Variants in HSPA9 observed in about 807,000 individuals in gnomAD.
HSPA9 encodes the protein stress-70 protein, mitochondrial.
Under a neutral mutation model 81.5 loss-of-function variants are expected in HSPA9, and 28 were observed. The observed-to-expected ratio is 0.34, with a 90% CI of 0.25 to 0.47. The LOEUF (loss-of-function observed/expected upper bound fraction) is 0.47, where lower values mean the gene tolerates loss of function less well. Ranked by LOEUF, HSPA9 falls within the 20% of genes least tolerant of loss-of-function variation. The pLI is 1.00. For synonymous variants in HSPA9, 293 were observed against 290.4 expected, an observed-to-expected ratio of 1.01 and a Z score of -0.09; for missense variants, 678 against 838.0, an observed-to-expected ratio of 0.81 and a Z score of 2.36.
chr5:138,572,355 A>G (rs1313106942), intron 3 of HSPA9, among the ~76,000 whole-genome samples: 1 of 152,190 alleles, frequency 6.6e-6, no homozygotes, highest in East Asian at 1.9e-4. Flanking sequence ...GTATAGAGGT[A>G]GGACTACTAA....
intron 9 of HSPA9, among the ~76,000 whole-genome samples, chr5:138,565,780 C>G (rs1227903272): frequency 6.6e-6 from 1 of 152,162 alleles, no homozygotes; most frequent in Non-Finnish European, 1.5e-5. Context: ...ATGGTGTGAT[C>G]ACGGCTCACT....
intron 3 of HSPA9, among the ~76,000 whole-genome samples, chr5:138,572,810 A>G (rs1750936968): frequency 1.3e-5 from 2 of 152,110 alleles, no homozygotes; most frequent in Non-Finnish European, 2.9e-5. Flanking sequence ...CCAACCCCCC[A>G]AAAAACTTAG....
Position 138,558,661 on chromosome 5 carries a change from G to C in HSPA9, c.1411-4C>G. On this transcript the variant is annotated splice_polypyrimidine_tract_variant and splice_region_variant and intron_variant, in intron 11 of 16. Coordinates refer to ENST00000297185, the MANE Select transcript of HSPA9 (RefSeq NM_004134.7). ...CATCAGCGGCAGTAGAGAATACCTA[G>C]GGAAGAAGAAACCCTCCTGGGTTGT... The C allele has an allele frequency of 6.3e-7, 1 of 1,591,492 alleles. No homozygotes were observed. Among genetic ancestry groups the C allele is most frequent in the South Asian group, 1.1e-5 (1 of 90,634 alleles).
intron 3 of HSPA9, 62 bp from the exon 4 acceptor site, chr5:138,571,203 T>C (rs1018623890): frequency 2.0e-6 from 3 of 1,513,544 alleles, no homozygotes; most frequent in South Asian, 1.1e-5. Context: ...TTTTTTGAGA[T>C]GGAGTCTCAC....
At chr5:138,574,997 G>A (rs41294558) in intron 1 of HSPA9, 6,944 of 591,418 alleles carry the variant, frequency 0.012, 79 homozygotes, top group Non-Finnish European at 0.016. Flanking sequence ...CCACTACCTG[G>A]TAATTTTGAA....
At position 138,556,833 on chromosome 5, in the gene HSPA9, T is replaced by C. The variant is rs755312533; in HGVS notation, c.1762A>G (p.Ile588Val). Residue 588 changes from isoleucine to valine, a missense_variant, in exon 15 of 17, where the codon ATC (isoleucine) becomes GTC (valine). Ile to Val is a conservative substitution (Grantham distance 29). Transcript: ENST00000297185. ...RVEAVNMAEG[I>V]IHDTETKMEE... ...ATCTTGGTTTCTGTGTCGTGAATGATTCCTTCAGCCATATTAACTGCTTCA... is the reference window on the plus strand; with the variant it reads ...ATCTTGGTTTCTGTGTCGTGAATGACTCCTTCAGCCATATTAACTGCTTCA... 6.2e-7 allele frequency: 1 copy of C among 1,613,950 alleles called. No homozygotes were observed. Among genetic ancestry groups the C allele is most frequent in the Admixed American group, 1.7e-5 (1 of 60,028 alleles).
Position 138,557,480 on chromosome 5 carries a change from A to G in HSPA9, c.1650T>C (p.Ser550=). ...CAATATCATCTTTGCTTAATCCACC[A>G]GAAGACTGGATTACAACTGTAGTAA... The part of the protein sequence containing the change: ...GREQQIVIQS[S]GGLSKDDIEN... Residue 550 remains serine, a synonymous_variant, in exon 14 of 17, where the codon TCT becomes TCC. Coordinates refer to ENST00000297185, the MANE Select transcript of HSPA9 (RefSeq NM_004134.7). The G allele has an allele frequency of 6.3e-7, 1 of 1,599,602 alleles. No homozygotes were observed.
intron 5 of HSPA9, among the ~76,000 whole-genome samples, chr5:138,568,458 G>C (rs961247255): frequency 6.6e-6 from 1 of 152,170 alleles, no homozygotes; most frequent in East Asian, 1.9e-4. Context: ...GGTGAGCCGA[G>C]ATTGTGCCAC....
chr5:138,560,858 C>T (rs764678821), intron 10 of HSPA9: 29 of 429,750 alleles, frequency 6.7e-5, no homozygotes, highest in South Asian at 1.7e-5. Flanking sequence ...TCGGGGATTT[C>T]TTAATATATG....
At chr5:138,568,570 T>C (rs1750814996) in intron 5 of HSPA9, among the ~76,000 whole-genome samples, 1 of 152,204 alleles carries the variant, frequency 6.6e-6, no homozygotes. Context: ...TTCAACATTT[T>C]AGTGAAGGTT....
At chr5:138,558,446 A>T in intron 12 of HSPA9, 107 bp downstream of exon 12, 1 of 794,866 alleles carries the variant, frequency 1.3e-6, no homozygotes, top group South Asian at 1.4e-5. Context: ...AAGACTACTC[A>T]GTATGTATGT....
chr5:138,556,594 T>A lies in HSPA9; in HGVS notation c.1822-2A>T, dbSNP rs1561856154. The A allele has an allele frequency of 1.2e-6, 2 of 1,613,900 alleles. No homozygotes were observed. The highest frequency in any genetic ancestry group is 1.1e-5 in the South Asian group (1 of 91,086). On this transcript the variant is annotated splice_acceptor_variant, in intron 15 of 16. Coordinates refer to ENST00000297185, the MANE Select transcript of HSPA9 (RefSeq NM_004134.7). LOFTEE classifies it high-confidence loss of function. ...AATCTCTTCTTTCAGCTTGTTGCAC[T>A]TAAAAAAAGAAAACAAAAATCCTTA...
At chr5:138,566,561 A>G (rs1580746961) in intron 9 of HSPA9, 65 bp downstream of exon 9, 2 of 1,129,220 alleles carry the variant, frequency 1.8e-6, no homozygotes, top group South Asian at 1.2e-5. Flanking sequence ...AGAAAATACT[A>G]TTTATTTTAA....
Position 138,572,093 on chromosome 5 carries a change from A to G in HSPA9, c.229-952T>C, listed in dbSNP as rs1166518283. ...CACCTTAGCCTCCAGAGTAGCTGGG[A>G]CTACAGGGGCACACCACTATGCCCG... is the stretch of plus-strand genomic sequence containing the variant. On this transcript the variant is annotated intron_variant, in intron 3 of 16. Coordinates refer to ENST00000297185, the MANE Select transcript of HSPA9 (RefSeq NM_004134.7). 4.6e-5 allele frequency among the ~76,000 whole-genome samples: 7 copies of G among 150,872 alleles called. No homozygotes were observed. In the East Asian group the frequency reaches 7.8e-4, roughly 17 times the overall value.
intron 9 of HSPA9, among the ~76,000 whole-genome samples, chr5:138,563,931 C>T (rs1164394899): frequency 6.6e-6 from 1 of 152,242 alleles, no homozygotes; most frequent in African/African-American, 2.4e-5. Context: ...AATCTTCACT[C>T]TGCCCTTTTG....
intron 9 of HSPA9, among the ~76,000 whole-genome samples, chr5:138,563,660 ATC>A (rs112405918): frequency 0.055 from 8,326 of 152,286 alleles, 286 homozygotes; most frequent in African/African-American, 0.1. Context: ...GTATTCACTT[ATC>A]TAGGGAGAGA....
intron 9 of HSPA9, among the ~76,000 whole-genome samples, chr5:138,563,058 TAATA>T (rs749485185): frequency 7.9e-4 from 120 of 152,354 alleles, no homozygotes; most frequent in African/African-American, 2.0e-3. Flanking sequence ...TTTGAATACT[TAATA>T]AATAGAGTTA....
intron 3 of HSPA9, among the ~76,000 whole-genome samples, chr5:138,571,601 T>C (rs929012427): frequency 2.6e-5 from 4 of 152,008 alleles, no homozygotes; most frequent in African/African-American, 7.3e-5. Context: ...TAATGAACAG[T>C]AGATATTTAG....
At chr5:138,567,349 A>G (rs1420755036) in intron 7 of HSPA9, 106 bp downstream of exon 7, 4 of 1,076,306 alleles carry the variant, frequency 3.7e-6, no homozygotes, top group Non-Finnish European at 5.7e-6. Flanking sequence ...CAAAGACAAT[A>G]CAGACTTAAA....
Sources: gnomAD v4.1 joint callset for allele counts (sites outside exome capture counted in the v4.1 genomes callset) on GRCh38, gnomAD v4.1.1 for gene constraint, MANE v1.5 for transcripts, NCBI Gene and HGNC (gene_info 2026-07-23, HGNC 2026-07-21) for gene names.